Variants in CA12 observed in about 807,000 individuals in gnomAD.
CA12 encodes the protein carbonic anhydrase 12, also known as carbonate dehydratase XII.
Under a neutral mutation model 46.8 loss-of-function variants are expected in CA12, and 36 were observed. That is an observed-to-expected ratio of 0.77 (90% CI 0.59 to 1.02). CA12 has a LOEUF of 1.02. Ranked by LOEUF, CA12 falls within the 50% of genes least tolerant of loss-of-function variation. CA12 has a pLI of 0.00. For missense variants in CA12, 436 were observed against 451.4 expected (o/e 0.97, Z 0.31); for synonymous variants, 202 against 187.0 (o/e 1.08, Z -0.65).
At chr15:63,353,017 G>A (rs1435093940) in intron 2 of CA12, among the ~76,000 whole-genome samples, 1 of 152,098 alleles carries the variant, frequency 6.6e-6, no homozygotes, top group African/African-American at 2.4e-5. Context: ...TTCAACAAAT[G>A]TGTCTAGTAT....
In CA12 at chr15:63,345,414, G is replaced by A; in HGVS notation, c.429+63C>T. ...CTGGTGTTATCTGCACAGCAGCCAG[G>A]TCGAGAAGGTGCCACACCACCCACT... is the stretch of plus-strand genomic sequence containing the variant. On this transcript the variant is annotated intron_variant, in intron 4 of 10. Coordinates refer to ENST00000178638, the MANE Select transcript of CA12 (RefSeq NM_001218.5). This position sits in a 1 kb window ranked among gnomAD's most constrained non-coding sequence, Gnocchi z 4.3. 1 of 1,591,434 alleles carries A rather than the reference G, an allele frequency of 6.3e-7. No homozygotes were observed. Among genetic ancestry groups the A allele is most frequent in the Admixed American group, 1.7e-5 (1 of 59,740 alleles).
chr15:63,326,466 C>G (rs1199260660), intron 10 of CA12, 109 bp from the exon 11 acceptor site: 1 of 809,568 alleles, frequency 1.2e-6, no homozygotes, highest in Non-Finnish European at 2.1e-6. Flanking sequence ...GGATTCCTCT[C>G]TTTGGGACCT....
rs1421330141 is a variant in CA12, at chr15:63,323,594, A to G, written c.*2691T>C. On this transcript the variant is annotated 3_prime_UTR_variant, in exon 11 of 11. Transcript: ENST00000178638. The surrounding 1 kb of genome is among the most constrained non-coding windows in gnomAD (Gnocchi z 5.1). ...GTGTATCTTCATTATAATCATTCTT[A>G]CAATAAATACAGAAGTGCTAAACAG... 1 of 152,556 alleles carries G rather than the reference A, an allele frequency of 6.6e-6. No individual in the cohort carries two copies. The highest frequency in any genetic ancestry group is 1.5e-5 in the Non-Finnish European group (1 of 68,036). 9.5% of individuals were successfully genotyped at this position (152,556 alleles called of 1,614,324 possible).
At chr15:63,354,785 C>A (rs1426636456) in intron 2 of CA12, among the ~76,000 whole-genome samples, 3 of 152,120 alleles carry the variant, frequency 2.0e-5, no homozygotes, top group Non-Finnish European at 4.4e-5. Context: ...GGAGTGCAGG[C>A]TGGAGGCCAG....
At chr15:63,343,279 C>CTTTTTTTT (rs35290345) in intron 4 of CA12, among the ~76,000 whole-genome samples, 8 of 98,778 alleles carry the variant, frequency 8.1e-5, no homozygotes, top group East Asian at 3.0e-4. Context: ...TAGAAAGAAT[C>CTTTTTTTT]TTTTTTTTTT....
chr15:63,376,600 T>TTCCTTCTTTCTTTCTTTC (rs1555432622), intron 1 of CA12, among the ~76,000 whole-genome samples: 4 of 134,094 alleles, frequency 3.0e-5, no homozygotes. Flanking sequence ...CTTTCTTTCT[T>TTCCTTCTTTCTTTCTTTC]TCTCTCTCTC....
intron 8 of CA12, among the ~76,000 whole-genome samples, chr15:63,334,423 T>C (rs2038973759): frequency 7.1e-6 from 1 of 140,716 alleles, no homozygotes; most frequent in Admixed American, 7.1e-5. Flanking sequence ...GCCTGGCTGA[T>C]TTTTTTTTTT....
rs1048243110 is a variant in CA12 at position 63,327,575 on chromosome 15, T to C, written c.908-342A>G. Among the ~76,000 whole-genome samples the C allele has an allele frequency of 6.6e-6, 1 of 151,792 alleles. No homozygotes were observed. The highest frequency in any genetic ancestry group is 1.5e-5 in the Non-Finnish European group (1 of 67,978). ...TTGGTGCAGGGCCCGGGAATCTGCA[T>C]TTTGCCAAATACTTACAGCTGATAC... On this transcript the variant is annotated intron_variant, in intron 9 of 10. Coordinates refer to ENST00000178638, the MANE Select transcript of CA12 (RefSeq NM_001218.5). The surrounding 1 kb of genome is among the most constrained non-coding windows in gnomAD (Gnocchi z 4.5).
chr15:63,370,291 T>C (rs2039486077), intron 2 of CA12, among the ~76,000 whole-genome samples: 1 of 151,164 alleles, frequency 6.6e-6, no homozygotes, highest in African/African-American at 2.4e-5. Context: ...CTGTGTCTAC[T>C]AAAAAATTTA....
At chr15:63,366,171 A>C (rs1410750227) in intron 2 of CA12, among the ~76,000 whole-genome samples, 2 of 146,618 alleles carry the variant, frequency 1.4e-5, no homozygotes, top group African/African-American at 5.0e-5. Context: ...CATGTCCTGC[A>C]GTTCCCTGCT....
intron 1 of CA12, 128 bp from the exon 2 acceptor site, chr15:63,375,806 T>A: frequency 1.4e-6 from 1 of 699,858 alleles, no homozygotes; most frequent in African/African-American, 1.8e-5. Context: ...AAACTTTTTC[T>A]TTTTCTTTTT....
Position 63,381,667 on chromosome 15 carries a change from C to T in CA12, c.54G>A (p.Lys18=). Residue 18 remains lysine (K), a synonymous_variant, in exon 1 of 11, where the codon AAG becomes AAA. Coordinates refer to ENST00000178638, the MANE Select transcript of CA12 (RefSeq NM_001218.5). ...CTGGGGCCGGGCTGGAAGGCTGTTC[C>T]TTTAAGATCACCAGCAGGAGCACGG... ...AAAVLLLVIL[K]EQPSSPAPVN... 2 of 1,611,754 alleles carry T rather than the reference C, an allele frequency of 1.2e-6. No individual in the cohort carries two copies. Among genetic ancestry groups the T allele is most frequent in the African/African-American group, 1.3e-5 (1 of 74,994 alleles).
chr15:63,328,745 T>C lies in CA12; in HGVS notation c.875-615A>G, dbSNP rs1296087952. Among the ~76,000 whole-genome samples, 4 of 151,354 alleles carry C rather than the reference T, an allele frequency of 2.6e-5. No homozygotes were observed. The highest frequency in any genetic ancestry group is 4.4e-5 in the Non-Finnish European group (3 of 67,852). On this transcript the variant is annotated intron_variant, in intron 8 of 10. Coordinates refer to ENST00000178638, the MANE Select transcript of CA12 (RefSeq NM_001218.5). The surrounding 1 kb of genome is among the most constrained non-coding windows in gnomAD (Gnocchi z 5.9). ...AGACAGAGTCTCGCTCTGTCACACA[T>C]GCTGGAGTGCAGTGGCACAATCTTG...
intron 3 of CA12, 113 bp downstream of exon 3, chr15:63,346,417 C>T: frequency 1.3e-6 from 1 of 775,954 alleles, no homozygotes; most frequent in Non-Finnish European, 2.2e-6. Context: ...CCCGCCCCAC[C>T]CCTCCTCCTG....
At chr15:63,334,245 T>C (rs953576328) in intron 8 of CA12, among the ~76,000 whole-genome samples, 21 of 34,518 alleles carry the variant, frequency 6.1e-4, no homozygotes, top group Non-Finnish European at 1.2e-3. Flanking sequence ...AGAGGCACTT[T>C]TTTTTTTTTT....
intron 8 of CA12, among the ~76,000 whole-genome samples, chr15:63,337,408 C>A (rs977684829): frequency 8.5e-5 from 13 of 152,098 alleles, no homozygotes; most frequent in Non-Finnish European, 1.6e-4. Context: ...CCAGGTGAGA[C>A]GAGGAGAGCA....
chr15:63,368,847 G>GTCGC (rs148727347), intron 2 of CA12, among the ~76,000 whole-genome samples: 18,972 of 152,278 alleles, frequency 0.12, 1,294 homozygotes, highest in Middle Eastern at 0.21. Flanking sequence ...CTAGGCTGGT[G>GTCGC]TCAATCCCAA....
At chr15:63,332,968 T>C (rs1366832951) in intron 8 of CA12, among the ~76,000 whole-genome samples, 1 of 152,206 alleles carries the variant, frequency 6.6e-6, no homozygotes, top group Non-Finnish European at 1.5e-5. Flanking sequence ...TCTATTCGTC[T>C]TTGCTGTGTG....
intron 8 of CA12, 29 bp downstream of exon 8, chr15:63,338,790 C>T (rs1481804552): frequency 6.2e-7 from 1 of 1,613,110 alleles, no homozygotes; most frequent in African/African-American, 1.3e-5. Flanking sequence ...ACTCCCGCAC[C>T]CCCTCCCCCC....
Sources: gnomAD v4.1 joint callset for allele counts (sites outside exome capture counted in the v4.1 genomes callset) on GRCh38, gnomAD v4.1.1 for gene constraint, Gnocchi (gnomAD v3.1) non-coding constraint, MANE v1.5 for transcripts, NCBI Gene and HGNC (gene_info 2026-07-23, HGNC 2026-07-21) for gene names.